The following ARL15 variants were observed in gnomAD, a reference collection of about 807,000 sequenced individuals.
ARL15 encodes the protein ADP-ribosylation factor-like protein 15.
ARL15 carries 19 observed loss-of-function variants against 25.2 expected under a neutral mutation model. The ratio of observed to expected loss-of-function variants is 0.75; its 90% CI spans 0.53 to 1.10. ARL15 has a LOEUF of 1.10. Ranked by LOEUF, ARL15 falls within the 50% of genes least tolerant of loss-of-function variation. The pLI, the probability that ARL15 is intolerant of heterozygous loss-of-function variation, is 0.00. For synonymous variants in ARL15, 94 were observed against 86.8 expected, an observed-to-expected ratio of 1.08 and a Z score of -0.46; for missense variants, 220 against 246.0, an observed-to-expected ratio of 0.89 and a Z score of 0.71.
chr5:54,109,160 A>T (rs1752668280), intron 4 of ARL15, among the ~76,000 whole-genome samples: 1 of 151,982 alleles, frequency 6.6e-6, no homozygotes, highest in East Asian at 1.9e-4. Flanking sequence ...TGACACCCTA[A>T]TTTAGAAGCT....
At chr5:54,189,558 CA>C (rs1329557085) in intron 1 of ARL15, among the ~76,000 whole-genome samples, 9 of 152,092 alleles carry the variant, frequency 5.9e-5, no homozygotes, top group Admixed American at 2.0e-4. Context: ...ACAGTCTTTT[CA>C]ACAGATGGTG....
intron 4 of ARL15, among the ~76,000 whole-genome samples, chr5:53,952,432 A>C (rs1747007170): frequency 6.6e-6 from 1 of 152,142 alleles, no homozygotes; most frequent in Non-Finnish European, 1.5e-5. Context: ...TATAATAGCA[A>C]AGTTCCTTGA....
chr5:54,082,328 C>T (rs1751828525), intron 4 of ARL15, among the ~76,000 whole-genome samples: 1 of 152,138 alleles, frequency 6.6e-6, no homozygotes, highest in African/African-American at 2.4e-5. Flanking sequence ...CATGAAAGTT[C>T]TAAAATATTT....
chr5:53,936,484 T>C (rs1033601199), intron 4 of ARL15, among the ~76,000 whole-genome samples: 1 of 152,204 alleles, frequency 6.6e-6, no homozygotes, highest in African/African-American at 2.4e-5. Context: ...CTTGGGGTAA[T>C]TGCAGGGGTT....
chr5:53,984,210 G>A (rs924801020), intron 4 of ARL15, among the ~76,000 whole-genome samples: 1 of 152,138 alleles, frequency 6.6e-6, no homozygotes, highest in Non-Finnish European at 1.5e-5. Flanking sequence ...ATGCTCTCCA[G>A]TTCTTTGTTT....
chr5:53,939,978 C>CTT (rs11344083), intron 4 of ARL15, among the ~76,000 whole-genome samples: 1 of 121,852 alleles, frequency 8.2e-6, no homozygotes, highest in African/African-American at 3.1e-5. Context: ...AAGTCCTGAA[C>CTT]TTTTTTTTTT....
intron 1 of ARL15, among the ~76,000 whole-genome samples, chr5:54,281,929 C>T (rs1030370384): frequency 7.2e-5 from 11 of 152,240 alleles, no homozygotes; most frequent in Non-Finnish European, 1.5e-4. Flanking sequence ...TATTGTAATC[C>T]GTTAAATTAA....
chr5:54,296,131 G>A (rs1758460519), intron 1 of ARL15, among the ~76,000 whole-genome samples: 1 of 152,180 alleles, frequency 6.6e-6, no homozygotes, highest in African/African-American at 2.4e-5. Flanking sequence ...TAAAACACCA[G>A]CAAGCAGTTG....
At chr5:53,994,333 GGAGT>G (rs776772782) in intron 4 of ARL15, among the ~76,000 whole-genome samples, 1 of 152,182 alleles carries the variant, frequency 6.6e-6, no homozygotes, top group Non-Finnish European at 1.5e-5. Flanking sequence ...ATCATATTTA[GGAGT>G]AAGTGATTAC....
In ARL15 at chr5:53,937,819, A is replaced by C. The variant is rs563108772; in HGVS notation, c.463-51106T>G. Among the ~76,000 whole-genome samples the C allele has an allele frequency of 8.0e-5, 10 of 125,390 alleles. No individual in the cohort carries two copies. In the East Asian group the frequency reaches 2.2e-3, roughly 27 times the overall value. 82.3% of individuals were successfully genotyped at this position (125,390 alleles called of 152,430 possible). ...TCTATGTGATCAGGGGTACACTATG[A>C]AATGGCAAAAAAAAAAAAGGGGTGG... On this transcript the variant is annotated intron_variant, in intron 4 of 4. Coordinates refer to ENST00000504924, the MANE Select transcript of ARL15 (RefSeq NM_019087.3).
intron 4 of ARL15, among the ~76,000 whole-genome samples, chr5:54,093,933 G>A (rs1752207617): frequency 6.6e-6 from 1 of 152,168 alleles, no homozygotes; most frequent in South Asian, 2.1e-4. Flanking sequence ...CACACACAGT[G>A]TTTAAAATCC....
At chr5:54,218,149 G>A (rs1756266415) in intron 1 of ARL15, among the ~76,000 whole-genome samples, 1 of 152,190 alleles carries the variant, frequency 6.6e-6, no homozygotes, top group Admixed American at 6.5e-5. Flanking sequence ...AGACTTCAGA[G>A]AGACACTGTT....
At chr5:53,897,397 T>C (rs1744908399) in intron 4 of ARL15, among the ~76,000 whole-genome samples, 1 of 152,242 alleles carries the variant, frequency 6.6e-6, no homozygotes, top group Admixed American at 6.5e-5. Context: ...TCAATGGTCA[T>C]CCACACTGTA....
At chr5:54,265,817 C>G (rs1267215948) in intron 1 of ARL15, among the ~76,000 whole-genome samples, 1 of 152,140 alleles carries the variant, frequency 6.6e-6, no homozygotes, top group Non-Finnish European at 1.5e-5. Context: ...ACACTACAAA[C>G]TGACTTTGTG....
At chr5:54,143,855 T>C (rs1326089923) in intron 3 of ARL15, among the ~76,000 whole-genome samples, 1 of 152,096 alleles carries the variant, frequency 6.6e-6, no homozygotes, top group Non-Finnish European at 1.5e-5. Context: ...CAAAACTTTC[T>C]TAAAAATTCA....
intron 1 of ARL15, among the ~76,000 whole-genome samples, chr5:54,224,170 G>A (rs990350653): frequency 1.3e-5 from 2 of 152,140 alleles, no homozygotes; most frequent in African/African-American, 2.4e-5. Context: ...CGGGGTAACC[G>A]TCCAAGCCAG....
intron 4 of ARL15, among the ~76,000 whole-genome samples, chr5:53,942,805 T>A (rs1026908119): frequency 6.6e-6 from 1 of 151,224 alleles, no homozygotes; most frequent in African/African-American, 2.4e-5. Flanking sequence ...AGGATATGAG[T>A]GTAGGTGGAG....
Position 53,886,679 on chromosome 5 carries a change from C to A in ARL15, c.497G>T (p.Arg166Leu), listed in dbSNP as rs369214411. The A allele has an allele frequency of 5.7e-6, 9 of 1,571,538 alleles. No homozygotes were observed. Among genetic ancestry groups the A allele is most frequent in the Non-Finnish European group, 7.8e-6 (9 of 1,158,018 alleles). Residue 166 changes from arginine (R) to leucine (L), a missense_variant, in exon 5 of 5, where the codon CGT (arginine) becomes CTT (leucine). Coordinates refer to ENST00000504924, the MANE Select transcript of ARL15 (RefSeq NM_019087.3). ...KKYFELEPLA[R>L]GKRWILQPCS... Reference sequence around the variant, plus strand: ...GGGCTGTAGAATCCAGCGTTTTCCACGTGCAAGTGGTTCAAGTTCAAAATA... The same window carrying A: ...GGGCTGTAGAATCCAGCGTTTTCCAAGTGCAAGTGGTTCAAGTTCAAAATA...
At chr5:54,085,100 T>A (rs1056510262) in intron 4 of ARL15, among the ~76,000 whole-genome samples, 3 of 152,192 alleles carry the variant, frequency 2.0e-5, no homozygotes, top group African/African-American at 4.8e-5. Flanking sequence ...GCTGCAGTCA[T>A]TCCCTTTAGG....
Sources: allele counts gnomAD v4.1 joint callset (sites outside exome capture counted in the v4.1 genomes callset), GRCh38; gene constraint gnomAD v4.1.1; transcripts MANE v1.5; gene names NCBI Gene and HGNC (gene_info 2026-07-23, HGNC 2026-07-21).